Variants in DNM3 observed in about 807,000 individuals in gnomAD.
DNM3 encodes dynamin-3.
A neutral mutation model predicts 101.6 loss-of-function variants in DNM3; 47 were observed. The observed-to-expected ratio is 0.46, with a 90% confidence interval of 0.37 to 0.59. The LOEUF is 0.59. Ranked by LOEUF, DNM3 falls within the 20% of genes least tolerant of loss-of-function variation. The probability of loss-of-function intolerance (pLI) is 0.00; values close to 1 mark genes in which losing one functional copy is unlikely to be tolerated. For missense variants in DNM3, 849 were observed against 1,085.7 expected, an observed-to-expected ratio of 0.78 and a Z score of 3.06; for synonymous variants, 385 against 387.9, an observed-to-expected ratio of 0.99 and a Z score of 0.09.
intron 13 of DNM3, among the ~76,000 whole-genome samples, chr1:172,100,797 ATTT>A (rs1028917816): frequency 3.3e-5 from 5 of 151,968 alleles, no homozygotes; most frequent in African/African-American, 7.3e-5. Context: ...TTCCTTCCAT[ATTT>A]TTGTTCTGCT....
intron 14 of DNM3, among the ~76,000 whole-genome samples, chr1:172,168,148 A>G (rs912494165): frequency 6.6e-6 from 1 of 152,048 alleles, no homozygotes; most frequent in African/African-American, 2.4e-5. Context: ...TTAACTACCT[A>G]TATCATAATT....
intron 17 of DNM3, among the ~76,000 whole-genome samples, chr1:172,325,045 A>T (rs1446912497): frequency 2.0e-5 from 3 of 152,140 alleles, no homozygotes; most frequent in Non-Finnish European, 4.4e-5. Context: ...CCACACACAC[A>T]CCAAGAAGAA....
At chr1:172,203,428 G>A (rs2060220437) in intron 14 of DNM3, among the ~76,000 whole-genome samples, 1 of 152,184 alleles carries the variant, frequency 6.6e-6, no homozygotes, top group South Asian at 2.1e-4. Context: ...AACTGCCCAA[G>A]CAGATTATTA....
chr1:171,989,054 G>C lies in DNM3; in HGVS notation c.495G>C (p.Thr165=). ...QIREMIMQFI[T]RENCLILAVT... The stretch of plus-strand genomic sequence containing the variant: ...GAGAAATGATTATGCAGTTCATCAC[G>C]AGGGAGAACTGTCTGATTTTAGCTG... The change falls in exon 4 of 21, where the codon ACG becomes ACC. Residue 165 remains threonine, a synonymous_variant. Transcript: ENST00000627582. The C allele has an allele frequency of 6.2e-7, 1 of 1,612,784 alleles. No individual in the cohort carries two copies. Among genetic ancestry groups the C allele is most frequent in the South Asian group, 1.1e-5 (1 of 90,822 alleles).
At chr1:172,202,617 C>T (rs1243861682) in intron 14 of DNM3, among the ~76,000 whole-genome samples, 1 of 152,206 alleles carries the variant, frequency 6.6e-6, no homozygotes, top group East Asian at 1.9e-4. Flanking sequence ...TAAGACTTAG[C>T]GCGGTAACTG....
At chr1:172,375,600 G>C (rs977984705) in intron 17 of DNM3, among the ~76,000 whole-genome samples, 1 of 152,122 alleles carries the variant, frequency 6.6e-6, no homozygotes, top group Admixed American at 6.6e-5. Flanking sequence ...AAAGGGAAAA[G>C]ACAAAAACAA....
chr1:172,068,395 C>T (rs978757637), intron 10 of DNM3, among the ~76,000 whole-genome samples: 2 of 152,120 alleles, frequency 1.3e-5, no homozygotes, highest in African/African-American at 4.8e-5. Flanking sequence ...TTTCTGATTG[C>T]TGTGAATAGT....
chr1:172,410,200 A>G lies in DNM3; in HGVS notation c.*2359A>G. On this transcript the variant is annotated 3_prime_UTR_variant, in exon 21 of 21. Coordinates refer to ENST00000627582, the MANE Select transcript of DNM3 (RefSeq NM_015569.5). ...ATGTCATATTATTAGTATGAATCTC[A>G]TTTCCCAAAGGGTTTGTATTCTGCT... The G allele has an allele frequency of 1.0e-6, 1 of 984,500 alleles. No individual in the cohort carries two copies. Among genetic ancestry groups the G allele is most frequent in the Non-Finnish European group, 1.2e-6 (1 of 829,118 alleles). 61.0% of individuals were successfully genotyped at this position (984,500 alleles called of 1,614,324 possible). A position where few individuals can be genotyped will look rare whatever the true frequency, so the allele number is the denominator to read the frequency against.
At chr1:172,173,630 C>T (rs2059047216) in intron 14 of DNM3, among the ~76,000 whole-genome samples, 2 of 150,794 alleles carry the variant, frequency 1.3e-5, no homozygotes, top group Non-Finnish European at 3.0e-5. Context: ...CTTGAAGTCC[C>T]CAAATGAATC....
At chr1:172,110,647 T>C (rs969771341) in intron 13 of DNM3, among the ~76,000 whole-genome samples, 1 of 152,274 alleles carries the variant, frequency 6.6e-6, no homozygotes, top group South Asian at 2.1e-4. Context: ...CATTACTTTC[T>C]GTCATTCAAA....
chr1:171,884,496 G>A (rs986298383), intron 1 of DNM3, among the ~76,000 whole-genome samples: 1 of 152,178 alleles, frequency 6.6e-6, no homozygotes, highest in Admixed American at 6.5e-5. Flanking sequence ...GGTTTTATAT[G>A]CATTAGATCC....
At chr1:171,928,981 G>A (rs1016493471) in intron 2 of DNM3, among the ~76,000 whole-genome samples, 6 of 152,216 alleles carry the variant, frequency 3.9e-5, no homozygotes, top group African/African-American at 1.4e-4. Flanking sequence ...CCGTCCCAGG[G>A]AGTTACAGAC....
intron 15 of DNM3, among the ~76,000 whole-genome samples, chr1:172,260,464 T>A (rs963138432): frequency 2.6e-5 from 4 of 152,102 alleles, no homozygotes; most frequent in Non-Finnish European, 4.4e-5. Context: ...AATTTGAATA[T>A]TTGGATGCTT....
chr1:172,035,444 T>G (rs765032169), intron 6 of DNM3, among the ~76,000 whole-genome samples: 1 of 152,060 alleles, frequency 6.6e-6, no homozygotes, highest in Non-Finnish European at 1.5e-5. Flanking sequence ...AAAAGAGGCC[T>G]TGGACCCAGA....
chr1:171,923,027 G>C (rs541718716), intron 2 of DNM3, among the ~76,000 whole-genome samples: 1 of 152,110 alleles, frequency 6.6e-6, no homozygotes, highest in Non-Finnish European at 1.5e-5. Context: ...ACATGTTTCT[G>C]TGTGGACATG....
At chr1:171,985,172 C>T (rs557745235) in intron 2 of DNM3, among the ~76,000 whole-genome samples, 13 of 152,142 alleles carry the variant, frequency 8.5e-5, no homozygotes, top group Admixed American at 7.2e-4. Flanking sequence ...TATGACAGAA[C>T]AGTTGTGATA....
chr1:172,135,632 C>A (rs2057180619), intron 14 of DNM3, among the ~76,000 whole-genome samples: 1 of 151,748 alleles, frequency 6.6e-6, no homozygotes, highest in Non-Finnish European at 1.5e-5. Flanking sequence ...ATATGTTGTA[C>A]ATTTTTGGAA....
At chr1:171,907,309 T>C (rs1026425316) in intron 1 of DNM3, among the ~76,000 whole-genome samples, 2 of 152,064 alleles carry the variant, frequency 1.3e-5, no homozygotes, top group African/African-American at 4.8e-5. Context: ...CTGACCAACA[T>C]GGAGAAACCC....
intron 14 of DNM3, among the ~76,000 whole-genome samples, chr1:172,181,008 C>T (rs1177627200): frequency 6.6e-6 from 1 of 152,008 alleles, no homozygotes; most frequent in Admixed American, 6.6e-5. Context: ...TACCAAGTGC[C>T]GCCACTCCGC....
Sources: allele counts gnomAD v4.1 joint callset (sites outside exome capture counted in the v4.1 genomes callset), GRCh38; gene constraint gnomAD v4.1.1; transcripts MANE v1.5; gene names NCBI Gene and HGNC (gene_info 2026-07-23, HGNC 2026-07-21).